Variants in DGKI observed in about 807,000 individuals in gnomAD.
DGKI encodes DAG kinase iota.
DGKI carries 55 observed loss-of-function variants against 147.5 expected under a neutral mutation model. The ratio of observed to expected loss-of-function variants is 0.37; its 90% CI spans 0.30 to 0.47. The LOEUF is 0.47. DGKI is among the 20% of genes least tolerant of loss of function. DGKI has a pLI of 1.00. For synonymous variants in DGKI, 469 were observed against 477.1 expected, an observed-to-expected ratio of 0.98 and a Z score of 0.22; for missense variants, 1,007 against 1,323.8, an observed-to-expected ratio of 0.76 and a Z score of 3.71.
intron 1 of DGKI, among the ~76,000 whole-genome samples, chr7:137,775,725 C>T (rs1223975160): frequency 6.6e-6 from 1 of 152,106 alleles, no homozygotes; most frequent in East Asian, 1.9e-4. Flanking sequence ...AATAGCAAAA[C>T]ACTGGAAACA....
At chr7:137,756,344 C>T (rs554304245) in intron 1 of DGKI, among the ~76,000 whole-genome samples, 3 of 152,218 alleles carry the variant, frequency 2.0e-5, no homozygotes, top group Admixed American at 6.5e-5. Context: ...GCTGCACAGC[C>T]CTTTTCTGAT....
intron 6 of DGKI, among the ~76,000 whole-genome samples, chr7:137,632,716 G>C (rs966681600): frequency 6.6e-6 from 1 of 152,042 alleles, no homozygotes; most frequent in Admixed American, 6.5e-5. Flanking sequence ...AAAATTAGCT[G>C]GGCGTGGTGG....
chr7:137,773,028 T>G (rs2116856900), intron 1 of DGKI, among the ~76,000 whole-genome samples: 1 of 152,274 alleles, frequency 6.6e-6, no homozygotes, highest in East Asian at 1.9e-4. Flanking sequence ...AGGAATGCAC[T>G]CCCTTTTTTG....
chr7:137,583,218 T>G (rs62490467), intron 14 of DGKI, among the ~76,000 whole-genome samples: 1,671 of 152,282 alleles, frequency 0.011, 17 homozygotes, highest in Non-Finnish European at 0.018. Context: ...AGAGTCCAAG[T>G]GAGCCTTAGA....
At chr7:137,436,247 G>A (rs1419892627) in intron 28 of DGKI, among the ~76,000 whole-genome samples, 2 of 152,112 alleles carry the variant, frequency 1.3e-5, no homozygotes, top group South Asian at 4.1e-4. Flanking sequence ...TATGAAGTAT[G>A]GGGCTACAAG....
chr7:137,529,157 C>T (rs901013811), intron 20 of DGKI, among the ~76,000 whole-genome samples: 5 of 151,962 alleles, frequency 3.3e-5, no homozygotes, highest in African/African-American at 1.2e-4. Context: ...TTTAAAGCCT[C>T]CATGGAAATT....
intron 1 of DGKI, among the ~76,000 whole-genome samples, chr7:137,796,920 T>A (rs1328198543): frequency 1.3e-5 from 2 of 152,128 alleles, no homozygotes; most frequent in Admixed American, 1.3e-4. Flanking sequence ...TCTGAAAATA[T>A]CCTAAATAAT....
At chr7:137,653,185 G>A (rs1822098742) in intron 5 of DGKI, among the ~76,000 whole-genome samples, 1 of 152,208 alleles carries the variant, frequency 6.6e-6, no homozygotes, top group Admixed American at 6.5e-5. Context: ...GGTTTAGTCT[G>A]GGCTCCTCTT....
At chr7:137,415,850 G>A (rs1372956529) in intron 28 of DGKI, among the ~76,000 whole-genome samples, 8 of 152,150 alleles carry the variant, frequency 5.3e-5, no homozygotes, top group Admixed American at 3.3e-4. Context: ...TTGGCCAGGT[G>A]TGGTGGTGGG....
intron 20 of DGKI, among the ~76,000 whole-genome samples, chr7:137,531,644 A>T (rs1817341239): frequency 6.6e-6 from 1 of 152,198 alleles, no homozygotes; most frequent in African/African-American, 2.4e-5. Context: ...TATCAGAGGG[A>T]TCTCTTAAAC....
intron 1 of DGKI, among the ~76,000 whole-genome samples, chr7:137,697,218 C>T (rs1208522005): frequency 6.6e-6 from 1 of 152,204 alleles, no homozygotes; most frequent in Non-Finnish European, 1.5e-5. Context: ...TTGAATTTAG[C>T]ATGATAGGGT....
intron 20 of DGKI, among the ~76,000 whole-genome samples, chr7:137,533,500 C>T (rs909952886): frequency 3.3e-5 from 5 of 152,082 alleles, no homozygotes; most frequent in African/African-American, 1.2e-4. Context: ...TCACTTACCA[C>T]ATTAAAGTAA....
chr7:137,581,703 T>C (rs975387872), intron 15 of DGKI, 147 bp downstream of exon 15: 3 of 643,988 alleles, frequency 4.7e-6, no homozygotes, highest in Non-Finnish European at 7.9e-6. Flanking sequence ...CTGTCCTGTC[T>C]AGCTCCCAGA....
chr7:137,783,881 T>C (rs185336959), intron 1 of DGKI, among the ~76,000 whole-genome samples: 22 of 152,332 alleles, frequency 1.4e-4, no homozygotes, highest in Admixed American at 1.4e-3. Context: ...GAAACTAAGC[T>C]TCATAAATGA....
chr7:137,440,743 G>A (rs1161884412), intron 28 of DGKI, among the ~76,000 whole-genome samples: 1 of 152,184 alleles, frequency 6.6e-6, no homozygotes, highest in Admixed American at 6.5e-5. Context: ...CAGTGCTTCT[G>A]CATAATAAGC....
intron 8 of DGKI, among the ~76,000 whole-genome samples, chr7:137,617,043 T>C (rs567921480): frequency 1.3e-5 from 2 of 150,134 alleles, no homozygotes; most frequent in East Asian, 2.0e-4. Flanking sequence ...AACCCACTGA[T>C]TGATCTTAGC....
chr7:137,757,562 C>T (rs1795727730), intron 1 of DGKI, among the ~76,000 whole-genome samples: 1 of 152,170 alleles, frequency 6.6e-6, no homozygotes, highest in South Asian at 2.1e-4. Context: ...AGACCATTCT[C>T]CTGACCCGCT....
chr7:137,652,090 GT>G (rs1462609106), intron 5 of DGKI, among the ~76,000 whole-genome samples: 4 of 152,176 alleles, frequency 2.6e-5, no homozygotes, highest in Non-Finnish European at 5.9e-5. Flanking sequence ...AGAGCAGTAG[GT>G]AAGACACAGT....
rs112925743 is a variant in DGKI at position 137,641,733 on chromosome 7, G to A, written c.804+3739C>T. Among the ~76,000 whole-genome samples, 1,062 of 152,198 alleles carry A rather than the reference G, an allele frequency of 7.0e-3. 13 individuals are homozygous for A. Among genetic ancestry groups the A allele is most frequent in the African/African-American group, 0.025 (1,020 of 41,532 alleles). ...CAATGTGTATACTGCATTTAAAACT[G>A]GCTTCAAGAATTGATGTTGGAAATT... On this transcript the variant is annotated intron_variant, in intron 6 of 32. Coordinates refer to ENST00000614521, the MANE Select transcript of DGKI (RefSeq NM_001321708.2).
Sources: gnomAD v4.1 joint callset for allele counts (sites outside exome capture counted in the v4.1 genomes callset) on GRCh38, gnomAD v4.1.1 for gene constraint, MANE v1.5 for transcripts, NCBI Gene and HGNC (gene_info 2026-07-23, HGNC 2026-07-21) for gene names.